PGM5: variants seen among roughly 807,000 people sequenced by gnomAD.
The protein encoded by PGM5 is phosphoglucomutase-like protein 5.
Under a neutral mutation model 59.2 loss-of-function variants are expected in PGM5, and 23 were observed. That is an observed-to-expected ratio of 0.39 (90% confidence interval 0.28 to 0.55). The LOEUF (loss-of-function observed/expected upper bound fraction) is 0.55, where lower values mean the gene tolerates loss of function less well. Among genes scored for constraint, PGM5 ranks in the 20% least tolerant of loss-of-function variants. PGM5 has a pLI of 0.66. For synonymous variants in PGM5, 214 were observed against 286.0 expected (o/e 0.75, Z 2.54); for missense variants, 574 against 748.3 (o/e 0.77, Z 2.72).
At chr9:68,501,549 A>C (rs2132106859) in intron 10 of PGM5, among the ~76,000 whole-genome samples, 1 of 152,318 alleles carries the variant, frequency 6.6e-6, no homozygotes, top group East Asian at 1.9e-4. Flanking sequence ...GAACAGAGAT[A>C]AAAGTAAGAT....
At chr9:68,387,739 G>C (rs2132005969) in intron 4 of PGM5, 151 bp downstream of exon 4, 1 of 769,338 alleles carries the variant, frequency 1.3e-6, no homozygotes, top group Admixed American at 2.9e-5. Context: ...GAAAACTTCA[G>C]GACCCTTATT....
At chr9:68,505,009 C>T (rs1824632698) in intron 10 of PGM5, among the ~76,000 whole-genome samples, 1 of 152,160 alleles carries the variant, frequency 6.6e-6, no homozygotes, top group Non-Finnish European at 1.5e-5. Flanking sequence ...TTTTTAAGGT[C>T]CCTACAACAT....
Position 68,487,463 on chromosome 9 carries a change from TACACACACACACACAC to T in PGM5, c.1479+3435_1479+3450del, listed in dbSNP as rs67566624. Among the ~76,000 whole-genome samples, 11 of 141,784 alleles carry T rather than the reference TACACACACACACACAC, an allele frequency of 7.8e-5. 1 individual carries two copies. Among genetic ancestry groups the T allele is most frequent in the Admixed American group, 7.1e-4 (10 of 13,994 alleles). The allele number at this position is 141,784 out of a possible 152,430, so 93.0% of individuals were successfully genotyped here. On this transcript the variant is annotated intron_variant, in intron 9 of 10. Coordinates refer to ENST00000396396, the MANE Select transcript of PGM5 (RefSeq NM_021965.4). ...TCTCTCTCTCTGTGTCACACGCACA[TACACACACACACACAC>T]ACACACACACACACACACAAATCAG... is the stretch of plus-strand genomic sequence containing the variant.
chr9:68,418,508 T>C (rs1265594478), intron 6 of PGM5, among the ~76,000 whole-genome samples: 1 of 152,082 alleles, frequency 6.6e-6, no homozygotes, highest in Admixed American at 6.5e-5. Context: ...CTGTTACTGA[T>C]AGCTTGTCCT....
At chr9:68,362,966 T>A (rs1834609623) in intron 1 of PGM5, among the ~76,000 whole-genome samples, 1 of 150,036 alleles carries the variant, frequency 6.7e-6, no homozygotes, top group Admixed American at 6.7e-5. Flanking sequence ...CCTCCTGGGT[T>A]CCAGTGATTC....
intron 6 of PGM5, among the ~76,000 whole-genome samples, chr9:68,458,239 G>T (rs1396766959): frequency 6.6e-6 from 1 of 152,010 alleles, no homozygotes; most frequent in East Asian, 1.9e-4. Flanking sequence ...TTCAATTAAA[G>T]TTAGGATTTT....
chr9:68,511,279 G>T lies in PGM5; in HGVS notation c.1614+11918G>T, dbSNP rs115474830. Reference sequence around the variant, plus strand: ...TCAGGTTGGAATTTGGTATCTTACTGCTACAAAGAGTCTGTTCTGTCAGTC... The same window carrying T: ...TCAGGTTGGAATTTGGTATCTTACTTCTACAAAGAGTCTGTTCTGTCAGTC... On this transcript the variant is annotated intron_variant, in intron 10 of 10. Coordinates refer to ENST00000396396, the MANE Select transcript of PGM5 (RefSeq NM_021965.4). 8.0e-3 allele frequency among the ~76,000 whole-genome samples: 1,221 copies of T among 152,276 alleles called. 13 individuals are homozygous for T. The highest frequency in any genetic ancestry group is 0.028 in the African/African-American group (1,165 of 41,550).
At chr9:68,400,602 T>C (rs1822641394) in intron 6 of PGM5, 2 of 152,686 alleles carry the variant, frequency 1.3e-5, no homozygotes. Context: ...AAGAGACATC[T>C]GGTGATACTA....
intron 6 of PGM5, among the ~76,000 whole-genome samples, chr9:68,458,691 G>C (rs1823815373): frequency 6.6e-6 from 1 of 152,158 alleles, no homozygotes. Context: ...GAGGCCCCAG[G>C]ATTGAATAGC....
At chr9:68,422,840 T>C (rs1002355785) in intron 6 of PGM5, among the ~76,000 whole-genome samples, 1 of 152,160 alleles carries the variant, frequency 6.6e-6, no homozygotes, top group Admixed American at 6.5e-5. Flanking sequence ...CAGTACACAG[T>C]GCATGCTATT....
intron 1 of PGM5, among the ~76,000 whole-genome samples, chr9:68,358,599 A>C (rs1287155902): frequency 2.6e-4 from 40 of 152,258 alleles, no homozygotes; most frequent in East Asian, 3.9e-4. Context: ...GAAACTGAAC[A>C]ATTCCCTGGC....
chr9:68,498,555 A>G (rs1554688366), intron 9 of PGM5: 1 of 152,212 alleles, frequency 6.6e-6, no homozygotes, highest in African/African-American at 2.4e-5. Context: ...GGAGCCTTCA[A>G]AATCATCTTT....
intron 3 of PGM5, among the ~76,000 whole-genome samples, chr9:68,386,450 T>C (rs1554678856): frequency 6.6e-6 from 1 of 152,326 alleles, no homozygotes; most frequent in Non-Finnish European, 1.5e-5. Context: ...TTTTTAGATA[T>C]GTATTTGATC....
chr9:68,433,451 G>A (rs1288715455), intron 6 of PGM5, among the ~76,000 whole-genome samples: 4 of 152,226 alleles, frequency 2.6e-5, no homozygotes, highest in East Asian at 1.9e-4. Context: ...TTCTGATTAA[G>A]CTTTGATTAG....
At chr9:68,521,031 C>T (rs146188036) in intron 10 of PGM5, among the ~76,000 whole-genome samples, 29 of 152,284 alleles carry the variant, frequency 1.9e-4, no homozygotes, top group African/African-American at 4.3e-4. Context: ...GAAAACTTTT[C>T]CCTCAGTATA....
At chr9:68,452,317 G>A (rs1554684401) in intron 6 of PGM5, among the ~76,000 whole-genome samples, 1 of 152,148 alleles carries the variant, frequency 6.6e-6, no homozygotes, top group East Asian at 1.9e-4. Flanking sequence ...TTAGTAGGAA[G>A]TTTCTCCTAA....
At chr9:68,454,903 G>A (rs910450437) in intron 6 of PGM5, among the ~76,000 whole-genome samples, 1 of 152,182 alleles carries the variant, frequency 6.6e-6, no homozygotes, top group Non-Finnish European at 1.5e-5. Flanking sequence ...TTAAACTGAA[G>A]TGTTTCTTTA....
chr9:68,463,765 A>G (rs1423082574), intron 6 of PGM5, among the ~76,000 whole-genome samples: 2 of 152,190 alleles, frequency 1.3e-5, no homozygotes, highest in Non-Finnish European at 2.9e-5. Flanking sequence ...ACCCATCTTA[A>G]GTCAAAAATA....
intron 1 of PGM5, among the ~76,000 whole-genome samples, chr9:68,359,909 T>C (rs1275168375): frequency 2.0e-5 from 3 of 152,210 alleles, no homozygotes; most frequent in African/African-American, 7.2e-5. Flanking sequence ...AATGGCACAG[T>C]CTTGGCTCAC....
Sources: allele counts gnomAD v4.1 joint callset (sites outside exome capture counted in the v4.1 genomes callset), GRCh38; gene constraint gnomAD v4.1.1; transcripts MANE v1.5; gene names NCBI Gene and HGNC (gene_info 2026-07-23, HGNC 2026-07-21).